The following RNF121 variants were observed in gnomAD, a reference collection of about 807,000 sequenced individuals.
The protein encoded by RNF121 is ring finger protein 121.
In RNF121, 21 loss-of-function variants were observed where a neutral mutation model predicts 46.5. The observed-to-expected ratio is 0.45, with a 90% CI of 0.32 to 0.65. The LOEUF is 0.65. Among genes scored for constraint, RNF121 ranks in the 30% least tolerant of loss-of-function variants. The pLI, the probability that RNF121 is intolerant of heterozygous loss-of-function variation, is 0.04. For synonymous variants in RNF121, 139 were observed against 144.7 expected (o/e 0.96, Z 0.28); for missense variants, 346 against 416.0 (o/e 0.83, Z 1.46).
intron 3 of RNF121, among the ~76,000 whole-genome samples, chr11:71,973,305 CAACGTAGTAAGACCCAATCTCTTAAAAA>C (rs1446495800): frequency 6.6e-6 from 1 of 151,992 alleles, no homozygotes; most frequent in Non-Finnish European, 1.5e-5. Context: ...CCAGCCTGGG[CAACGTAGTAAGACCCAATCTCTTAAAAA>C]AGAAAAAATT....
intron 1 of RNF121, among the ~76,000 whole-genome samples, chr11:71,930,529 C>T (rs984663584): frequency 3.9e-5 from 2 of 51,570 alleles, no homozygotes; most frequent in African/African-American, 6.4e-5. Flanking sequence ...TAGTCTTCTA[C>T]CTCCCAATCA....
intron 1 of RNF121, among the ~76,000 whole-genome samples, chr11:71,934,624 T>C (rs1465800116): frequency 6.6e-6 from 1 of 152,228 alleles, no homozygotes; most frequent in African/African-American, 2.4e-5. Flanking sequence ...AATATCTTAC[T>C]GAGGGATCAA....
intron 3 of RNF121, among the ~76,000 whole-genome samples, chr11:71,981,588 G>A (rs925422501): frequency 6.6e-6 from 1 of 152,158 alleles, no homozygotes; most frequent in Admixed American, 6.6e-5. Context: ...AGGCATTGGA[G>A]AGAAGACTAG....
chr11:71,951,594 G>A (rs1309266234), intron 1 of RNF121, among the ~76,000 whole-genome samples: 3 of 148,146 alleles, frequency 2.0e-5, no homozygotes, highest in East Asian at 4.0e-4. Context: ...CCTGTGAATA[G>A]CCACTGTACT....
At chr11:71,983,739 T>G (rs1954709476) in intron 4 of RNF121, 1 of 152,282 alleles carries the variant, frequency 6.6e-6, no homozygotes, top group Non-Finnish European at 1.5e-5. Context: ...ATGGAGGAGA[T>G]GGACAAGAAA....
chr11:71,942,966 A>G (rs10736782), intron 1 of RNF121, among the ~76,000 whole-genome samples: 119,703 of 151,954 alleles, frequency 0.79, 50,236 homozygotes, highest in Non-Finnish European at 0.94. Flanking sequence ...AGGGACACAC[A>G]GCCTCCCTAA....
intron 2 of RNF121, among the ~76,000 whole-genome samples, chr11:71,958,581 C>T (rs1236959979): frequency 6.6e-6 from 1 of 151,946 alleles, no homozygotes; most frequent in African/African-American, 2.4e-5. Flanking sequence ...TAGTACCTGC[C>T]CAGGTGTGGT....
intron 3 of RNF121, among the ~76,000 whole-genome samples, chr11:71,969,531 T>C (rs969343064): frequency 6.6e-6 from 1 of 152,170 alleles, no homozygotes; most frequent in African/African-American, 2.4e-5. Flanking sequence ...ATAAACGGTA[T>C]GTTTTAAAAT....
At chr11:71,976,345 CTTTTTT>C (rs35710756) in intron 3 of RNF121, among the ~76,000 whole-genome samples, 1 of 46,080 alleles carries the variant, frequency 2.2e-5, no homozygotes, top group African/African-American at 9.3e-5. Flanking sequence ...TGGGTATATT[CTTTTTT>C]TTTTTTTTTT....
intron 5 of RNF121, among the ~76,000 whole-genome samples, chr11:71,989,898 C>T (rs1331521888): frequency 6.6e-6 from 1 of 152,088 alleles, no homozygotes; most frequent in African/African-American, 2.4e-5. Flanking sequence ...CTGTAAAGGT[C>T]CAAATAGTAA....
chr11:71,937,031 C>A (rs1338238047), intron 1 of RNF121, among the ~76,000 whole-genome samples: 1 of 152,124 alleles, frequency 6.6e-6, no homozygotes, highest in Non-Finnish European at 1.5e-5. Context: ...ATACAATAGC[C>A]CCTATCAGTA....
intron 1 of RNF121, among the ~76,000 whole-genome samples, chr11:71,943,460 G>A (rs1480794602): frequency 6.6e-6 from 1 of 152,206 alleles, no homozygotes; most frequent in Non-Finnish European, 1.5e-5. Context: ...ATAAGGTAAT[G>A]CTGTCAGCTT....
chr11:71,992,817 C>T (rs1332574748), intron 6 of RNF121, among the ~76,000 whole-genome samples: 5 of 85,986 alleles, frequency 5.8e-5, no homozygotes, highest in Non-Finnish European at 1.3e-4. Context: ...ATCTGAGAAA[C>T]GCAAGTAAAT....
chr11:71,979,072 G>T (rs1280937746), intron 3 of RNF121, among the ~76,000 whole-genome samples: 1 of 152,150 alleles, frequency 6.6e-6, no homozygotes, highest in Non-Finnish European at 1.5e-5. Flanking sequence ...AGGACTAGAG[G>T]TCATGTTTAT....
intron 1 of RNF121, among the ~76,000 whole-genome samples, chr11:71,950,351 G>A (rs1378744159): frequency 6.6e-6 from 1 of 152,114 alleles, no homozygotes; most frequent in Non-Finnish European, 1.5e-5. Flanking sequence ...TTGGAAGGCC[G>A]AGGTTAGTGG....
intron 3 of RNF121, among the ~76,000 whole-genome samples, chr11:71,980,999 CATG>C (rs1455675748): frequency 1.3e-5 from 2 of 151,884 alleles, no homozygotes; most frequent in African/African-American, 4.8e-5. Flanking sequence ...TTGTGACTTG[CATG>C]ATATTTCGTT....
Position 71,942,890 on chromosome 11 carries a change from A to C in RNF121, c.63+13766A>C, listed in dbSNP as rs529166003. On this transcript the variant is annotated intron_variant, in intron 1 of 8. Coordinates refer to ENST00000361756, the MANE Select transcript of RNF121 (RefSeq NM_018320.5). ...GTCTAAAGGCAAAGTTCTAGCAGAT[A>C]TGATGTCTGGCAAAGGCTCTGTGCT... Among the ~76,000 whole-genome samples, 11 of 152,132 alleles carry C rather than the reference A, an allele frequency of 7.2e-5. No homozygotes were observed. In the South Asian group the frequency reaches 2.3e-3, roughly 32 times the overall value.
intron 3 of RNF121, among the ~76,000 whole-genome samples, chr11:71,962,896 T>A (rs1167706303): frequency 6.6e-6 from 1 of 152,186 alleles, no homozygotes; most frequent in Non-Finnish European, 1.5e-5. Flanking sequence ...TAAATTTTAT[T>A]TATTATAGCT....
intron 3 of RNF121, among the ~76,000 whole-genome samples, chr11:71,977,156 C>T (rs1339136774): frequency 6.6e-6 from 1 of 152,100 alleles, no homozygotes; most frequent in Non-Finnish European, 1.5e-5. Flanking sequence ...ACTACTTGGG[C>T]TTATAGTTTC....
Sources: gnomAD v4.1 joint callset for allele counts (sites outside exome capture counted in the v4.1 genomes callset) on GRCh38, gnomAD v4.1.1 for gene constraint, MANE v1.5 for transcripts, NCBI Gene and HGNC (gene_info 2026-07-23, HGNC 2026-07-21) for gene names.